Variants in NRG1 observed in about 807,000 individuals in gnomAD.
NRG1 encodes neuregulin 1, also known as pro-neuregulin-1, membrane-bound isoform.
Under a neutral mutation model 63.8 loss-of-function variants are expected in NRG1, and 18 were observed. The ratio of observed to expected loss-of-function variants is 0.28; its 90% CI spans 0.19 to 0.42. The LOEUF is 0.42. Among genes scored for constraint, NRG1 ranks in the 10% least tolerant of loss-of-function variants. The pLI is 1.00. For synonymous variants in NRG1, 302 were observed against 301.3 expected (o/e 1.00, Z -0.02); for missense variants, 762 against 814.7 (o/e 0.94, Z 0.79).
intron 1 of NRG1, among the ~76,000 whole-genome samples, chr8:32,324,715 A>G (rs1366686085): frequency 6.6e-6 from 1 of 152,190 alleles, no homozygotes; most frequent in Non-Finnish European, 1.5e-5. Context: ...TTATCTGTAA[A>G]TAGTTCTCAA....
chr8:32,132,819 T>A (rs1835013994), intron 1 of NRG1, among the ~76,000 whole-genome samples: 1 of 152,158 alleles, frequency 6.6e-6, no homozygotes, highest in Admixed American at 6.6e-5. Context: ...ACTCTCTTTT[T>A]ATTTTAATTA....
chr8:32,030,177 C>T (rs1563699510), intron 1 of NRG1, among the ~76,000 whole-genome samples: 1 of 152,136 alleles, frequency 6.6e-6, no homozygotes, highest in Admixed American at 6.5e-5. Context: ...AGAAGATCTT[C>T]ATTCTCTAGA....
intron 7 of NRG1, among the ~76,000 whole-genome samples, chr8:32,750,676 C>T (rs942397468): frequency 3.0e-5 from 4 of 132,072 alleles, no homozygotes; most frequent in East Asian, 4.5e-4. Context: ...CTAGCAGCTA[C>T]AGGGATTGCT....
intron 1 of NRG1, among the ~76,000 whole-genome samples, chr8:32,204,439 C>T (rs1473329347): frequency 6.6e-6 from 1 of 152,170 alleles, no homozygotes; most frequent in East Asian, 1.9e-4. Flanking sequence ...GCACTAATTA[C>T]ATTTATTGTC....
chr8:31,856,249 C>G (rs1040796009), intron 1 of NRG1, among the ~76,000 whole-genome samples: 1 of 152,196 alleles, frequency 6.6e-6, no homozygotes, highest in African/African-American at 2.4e-5. Flanking sequence ...TTCAGGTACA[C>G]CAATCAGACA....
intron 1 of NRG1, among the ~76,000 whole-genome samples, chr8:32,321,806 T>G (rs1801422043): frequency 1.3e-5 from 2 of 151,820 alleles, no homozygotes; most frequent in Admixed American, 1.3e-4. Context: ...GATTTCTTGA[T>G]GGAGATATTG....
chr8:32,706,589 A>G (rs1429730606), intron 5 of NRG1, among the ~76,000 whole-genome samples: 1 of 151,906 alleles, frequency 6.6e-6, no homozygotes, highest in Non-Finnish European at 1.5e-5. Flanking sequence ...GTAATTTTAC[A>G]AGACTGTAGA....
chr8:32,420,614 C>A (rs1816594749), intron 1 of NRG1, among the ~76,000 whole-genome samples: 1 of 151,456 alleles, frequency 6.6e-6, no homozygotes, highest in Non-Finnish European at 1.5e-5. Context: ...TTGGTTAATC[C>A]ATTTAACCAA....
At chr8:32,241,688 G>T (rs1451416801) in intron 1 of NRG1, among the ~76,000 whole-genome samples, 5 of 151,778 alleles carry the variant, frequency 3.3e-5, no homozygotes, top group African/African-American at 9.7e-5. Flanking sequence ...TTTCTTTAAT[G>T]TTTCTAAAAT....
chr8:32,548,585 C>A, exon 1 of NRG1: 1 of 1,335,406 alleles, frequency 7.5e-7, no homozygotes, highest in South Asian at 1.9e-5. Context: ...ACGGGAGACG[C>A]CCCCGCGCAG....
In NRG1 at chr8:31,982,356, G is replaced by T. The variant is rs118078004; in HGVS notation, c.37+342925G>T. On this transcript the variant is annotated intron_variant, in intron 1 of 10. Transcript: ENST00000519301. ...CTATAATGTATGAAACAGTTGGGAA[G>T]AAGGTAAGTTATGGGAAGACCATTT... 8.0e-3 allele frequency among the ~76,000 whole-genome samples: 1,211 copies of T among 152,226 alleles called. 22 individuals carry two copies. The highest frequency in any genetic ancestry group is 0.074 in the South Asian group (358 of 4,828).
intron 5 of NRG1, among the ~76,000 whole-genome samples, chr8:32,689,840 C>T (rs1811128781): frequency 6.6e-6 from 1 of 152,156 alleles, no homozygotes; most frequent in Admixed American, 6.5e-5. Context: ...TGGAATTTCA[C>T]ATACATGTCA....
chr8:32,634,954 A>G (rs1851048230), intron 5 of NRG1, among the ~76,000 whole-genome samples: 1 of 152,212 alleles, frequency 6.6e-6, no homozygotes, highest in Non-Finnish European at 1.5e-5. Context: ...CATCTGTAAA[A>G]TAAGAACAAT....
At chr8:31,658,415 A>G (rs1805638381) in intron 1 of NRG1, among the ~76,000 whole-genome samples, 3 of 152,184 alleles carry the variant, frequency 2.0e-5, no homozygotes, top group Admixed American at 1.3e-4. Context: ...ATCAGTGAGT[A>G]CCAGCTGAGA....
chr8:31,752,657 A>T (rs1209515889), intron 1 of NRG1, among the ~76,000 whole-genome samples: 1 of 151,990 alleles, frequency 6.6e-6, no homozygotes, highest in Non-Finnish European at 1.5e-5. Flanking sequence ...TGAGGAGGAG[A>T]TGAATCAAGG....
chr8:32,740,292 T>C (rs2129036578), intron 6 of NRG1, among the ~76,000 whole-genome samples: 1 of 143,328 alleles, frequency 7.0e-6, no homozygotes, highest in South Asian at 2.3e-4. Flanking sequence ...GCCTCCCGGG[T>C]TCAAGTGATT....
chr8:32,645,922 A>G (rs1440531215), intron 5 of NRG1, among the ~76,000 whole-genome samples: 1 of 152,194 alleles, frequency 6.6e-6, no homozygotes, highest in Non-Finnish European at 1.5e-5. Flanking sequence ...AAACTACTGA[A>G]AGGTAAAGCT....
rs547336975 is a variant in NRG1 at position 32,385,830 on chromosome 8, G to A, written c.38-209998G>A. Among the ~76,000 whole-genome samples, 79 of 152,234 alleles carry A rather than the reference G, an allele frequency of 5.2e-4. 1 individual carries two copies. In the South Asian group the frequency reaches 0.016, roughly 30 times the overall value. On this transcript the variant is annotated intron_variant, in intron 1 of 10. Coordinates refer to the NRG1 transcript ENST00000519301. ...GTAATCATCCTCACCTTCAGTTAAA[G>A]CAGCCTGTGTGTTTACTGAAGAAAT... is the stretch of plus-strand genomic sequence containing the variant.
intron 1 of NRG1, among the ~76,000 whole-genome samples, chr8:31,678,649 T>G (rs1472486173): frequency 6.6e-6 from 1 of 150,938 alleles, no homozygotes; most frequent in Admixed American, 6.6e-5. Flanking sequence ...TGTTCATTAC[T>G]TATCTTCCTA....
Sources: allele counts gnomAD v4.1 joint callset (sites outside exome capture counted in the v4.1 genomes callset), GRCh38; gene constraint gnomAD v4.1.1; transcripts MANE v1.5; gene names NCBI Gene and HGNC (gene_info 2026-07-23, HGNC 2026-07-21).